Variants in RASGRF2 observed in about 807,000 individuals in gnomAD.
RASGRF2 encodes ras-specific guanine nucleotide-releasing factor 2.
Under a neutral mutation model 151.0 loss-of-function variants are expected in RASGRF2, and 76 were observed. The observed-to-expected ratio is 0.50, with a 90% CI of 0.42 to 0.61. RASGRF2 has a LOEUF of 0.61. RASGRF2 is among the 20% of genes least tolerant of loss of function. The pLI, the probability that RASGRF2 is intolerant of heterozygous loss-of-function variation, is 0.00. For missense variants in RASGRF2, 1,148 were observed against 1,564.6 expected, an observed-to-expected ratio of 0.73 and a Z score of 4.49; for synonymous variants, 504 against 566.5, an observed-to-expected ratio of 0.89 and a Z score of 1.57.
At chr5:81,213,672 A>G (rs1356629659) in intron 23 of RASGRF2, among the ~76,000 whole-genome samples, 1 of 152,132 alleles carries the variant, frequency 6.6e-6, no homozygotes, top group African/African-American at 2.4e-5. Context: ...GCATAGGAGA[A>G]CAATTTAATT....
chr5:80,999,004 A>G (rs1748988873), intron 1 of RASGRF2, among the ~76,000 whole-genome samples: 1 of 152,052 alleles, frequency 6.6e-6, no homozygotes, highest in African/African-American at 2.4e-5. Context: ...TGACAGTTCC[A>G]CTTTTGCTAG....
At chr5:81,032,617 C>G (rs933393289) in intron 1 of RASGRF2, among the ~76,000 whole-genome samples, 2 of 152,188 alleles carry the variant, frequency 1.3e-5, no homozygotes, top group African/African-American at 2.4e-5. Flanking sequence ...TAAAAACTCT[C>G]AATAAACGAG....
intron 1 of RASGRF2, among the ~76,000 whole-genome samples, chr5:80,961,373 C>T (rs1265325812): frequency 6.6e-6 from 1 of 152,102 alleles, no homozygotes; most frequent in Non-Finnish European, 1.5e-5. Context: ...CATGTATTGA[C>T]ACCTGTTGGG....
chr5:81,079,428 C>T (rs374982462), intron 5 of RASGRF2, among the ~76,000 whole-genome samples: 23 of 152,256 alleles, frequency 1.5e-4, no homozygotes, highest in South Asian at 1.2e-3. Flanking sequence ...CTGAGATGAA[C>T]GGTTCTGTAT....
chr5:81,113,980 C>CG (rs1753080020), intron 15 of RASGRF2, 60 bp downstream of exon 15: 3 of 1,531,288 alleles, frequency 2.0e-6, no homozygotes, highest in Admixed American at 1.9e-5. Flanking sequence ...TGCCTCCTCA[C>CG]CCTTCCTTTT....
intron 2 of RASGRF2, among the ~76,000 whole-genome samples, chr5:81,047,765 T>A (rs1315884720): frequency 2.0e-5 from 3 of 152,248 alleles, no homozygotes; most frequent in Non-Finnish European, 2.9e-5. Context: ...AGCCTTATTC[T>A]CTTTTCCAGT....
intron 19 of RASGRF2, among the ~76,000 whole-genome samples, chr5:81,202,768 C>T (rs1037137491): frequency 5.9e-5 from 9 of 152,202 alleles, no homozygotes; most frequent in African/African-American, 1.7e-4. Flanking sequence ...CCATGGAAGA[C>T]AGACACAGAC....
At chr5:81,112,438 A>G (rs6864504) in intron 13 of RASGRF2, among the ~76,000 whole-genome samples, 172 bp from the exon 14 acceptor site, 16,921 of 152,104 alleles carry the variant, frequency 0.11, 1,189 homozygotes, top group African/African-American at 0.2. Context: ...TGGGGGGATC[A>G]AGGCACCAAT....
At chr5:81,033,774 C>T (rs1750359275) in intron 1 of RASGRF2, among the ~76,000 whole-genome samples, 1 of 152,134 alleles carries the variant, frequency 6.6e-6, no homozygotes, top group Non-Finnish European at 1.5e-5. Flanking sequence ...AAAGCAATGG[C>T]AACAAAAGCC....
intron 7 of RASGRF2, among the ~76,000 whole-genome samples, chr5:81,081,190 C>T (rs1187103900): frequency 2.6e-5 from 4 of 152,278 alleles, no homozygotes; most frequent in East Asian, 3.9e-4. Context: ...TTCTTGGGGA[C>T]GGAGTGACTG....
intron 1 of RASGRF2, among the ~76,000 whole-genome samples, chr5:80,995,182 G>C (rs1457127494): frequency 1.3e-5 from 2 of 150,498 alleles, no homozygotes; most frequent in African/African-American, 4.9e-5. Context: ...CGTAAACCTG[G>C]GAGGCGGAGT....
Position 80,994,365 on chromosome 5 carries a change from CAAAA to C in RASGRF2, c.288+33354_288+33357del, listed in dbSNP as rs11411890. The stretch of plus-strand genomic sequence containing the variant: ...TGGGCGACAGAGCGACACTCTGTCT[CAAAA>C]AAAAAAAAAAAAAAGAGGTAGTAGG... On this transcript the variant is annotated intron_variant, in intron 1 of 26. Coordinates refer to ENST00000265080, the MANE Select transcript of RASGRF2 (RefSeq NM_006909.3). Among the ~76,000 whole-genome samples the C allele has an allele frequency of 1.0e-2, 1,150 of 115,334 alleles. 24 individuals carry two copies. Among genetic ancestry groups the C allele is most frequent in the African/African-American group, 0.037 (1,093 of 29,502 alleles). 75.7% of individuals were successfully genotyped at this position (115,334 alleles called of 152,430 possible).
At chr5:80,961,710 T>C (rs1047059655) in intron 1 of RASGRF2, among the ~76,000 whole-genome samples, 2 of 152,216 alleles carry the variant, frequency 1.3e-5, no homozygotes, top group Non-Finnish European at 2.9e-5. Context: ...TTCTGTACTT[T>C]TAAATGAATG....
intron 2 of RASGRF2, among the ~76,000 whole-genome samples, chr5:81,067,648 C>G (rs189715973): frequency 1.3e-5 from 2 of 152,058 alleles, no homozygotes; most frequent in Non-Finnish European, 2.9e-5. Context: ...ATATCTTACT[C>G]GGTGAAATAT....
chr5:80,976,430 T>C (rs2112228657), intron 1 of RASGRF2, among the ~76,000 whole-genome samples: 1 of 152,350 alleles, frequency 6.6e-6, no homozygotes, highest in East Asian at 1.9e-4. Context: ...CAGCATTTGG[T>C]GAGCATGGCC....
At chr5:81,185,434 G>T (rs1385300843) in intron 18 of RASGRF2, among the ~76,000 whole-genome samples, 1 of 152,198 alleles carries the variant, frequency 6.6e-6, no homozygotes, top group African/African-American at 2.4e-5. Context: ...GCCTGGAGGG[G>T]TGACGCGTAG....
intron 5 of RASGRF2, among the ~76,000 whole-genome samples, chr5:81,076,223 T>G (rs984770380): frequency 2.0e-5 from 3 of 152,102 alleles, no homozygotes; most frequent in Non-Finnish European, 2.9e-5. Context: ...AAAATTCTTT[T>G]GAGAAGGGCT....
At chr5:81,010,635 T>A (rs1749428679) in intron 1 of RASGRF2, among the ~76,000 whole-genome samples, 1 of 152,246 alleles carries the variant, frequency 6.6e-6, no homozygotes, top group Admixed American at 6.5e-5. Flanking sequence ...TTTTGGGTGA[T>A]TTGAGACTGT....
chr5:81,151,185 A>G (rs1754125387), intron 17 of RASGRF2, among the ~76,000 whole-genome samples: 1 of 152,148 alleles, frequency 6.6e-6, no homozygotes, highest in Non-Finnish European at 1.5e-5. Flanking sequence ...AGGGGACTAG[A>G]TGTACTTCAA....
Sources: allele counts gnomAD v4.1 joint callset (sites outside exome capture counted in the v4.1 genomes callset), GRCh38; gene constraint gnomAD v4.1.1; transcripts MANE v1.5; gene names NCBI Gene and HGNC (gene_info 2026-07-23, HGNC 2026-07-21).